The following ANKS1B variants were observed in gnomAD, a reference collection of about 807,000 sequenced individuals.
ANKS1B encodes the protein ankyrin repeat and sterile alpha motif domain-containing protein 1B.
In ANKS1B, 36 loss-of-function variants were observed where a neutral mutation model predicts 148.3. The observed-to-expected ratio is 0.24, with a 90% CI of 0.19 to 0.32. The LOEUF (loss-of-function observed/expected upper bound fraction) is 0.32. ANKS1B is among the 10% of genes least tolerant of loss of function. ANKS1B has a pLI of 1.00. For synonymous variants in ANKS1B, 542 were observed against 560.8 expected (o/e 0.97, Z 0.47); for missense variants, 1,157 against 1,542.6 (o/e 0.75, Z 4.19).
chr12:99,789,490 T>C (rs1486102857), intron 4 of ANKS1B, among the ~76,000 whole-genome samples: 1 of 151,674 alleles, frequency 6.6e-6, no homozygotes, highest in Non-Finnish European at 1.5e-5. Flanking sequence ...GGAAAAAAAA[T>C]AGATATATGA....
chr12:99,782,166 T>G, intron 4 of ANKS1B, 69 bp from the exon 5 acceptor site: 2 of 1,262,678 alleles, frequency 1.6e-6, no homozygotes, highest in Non-Finnish European at 2.2e-6. Flanking sequence ...TGAAATAAAA[T>G]GCTCACATTT....
intron 20 of ANKS1B, among the ~76,000 whole-genome samples, chr12:98,807,223 C>T (rs1194886069): frequency 6.6e-6 from 1 of 152,120 alleles, no homozygotes; most frequent in African/African-American, 2.4e-5. Context: ...GAAAATCATG[C>T]AGCTCAGAGT....
chr12:98,796,196 A>G (rs2098947728), intron 22 of ANKS1B, among the ~76,000 whole-genome samples: 1 of 152,196 alleles, frequency 6.6e-6, no homozygotes, highest in African/African-American at 2.4e-5. Context: ...TTAAGGAAAC[A>G]TTGATCAGAA....
chr12:99,065,365 G>A (rs2043778774), intron 16 of ANKS1B, among the ~76,000 whole-genome samples: 1 of 152,108 alleles, frequency 6.6e-6, no homozygotes, highest in Non-Finnish European at 1.5e-5. Flanking sequence ...TAAAAACCAT[G>A]TCCTTTCTCA....
chr12:99,431,061 T>C (rs537684424), intron 11 of ANKS1B, among the ~76,000 whole-genome samples: 19 of 152,342 alleles, frequency 1.2e-4, no homozygotes, highest in African/African-American at 3.8e-4. Context: ...TACTCACTTA[T>C]TGAATTGAGT....
rs35882325 is a variant in ANKS1B, at chr12:99,948,378, T to TAA, written c.134+35724_134+35725dup. On this transcript the variant is annotated intron_variant, in intron 1 of 26. Coordinates refer to ENST00000683438, the MANE Select transcript of ANKS1B (RefSeq NM_001352186.2). ...TTTATTGGAGATTTGAAGAAAGAATTAAAAAAAAAAAGAAAAAAAAAGGCA... is the reference window on the plus strand; with the variant it reads ...TTTATTGGAGATTTGAAGAAAGAATTAAAAAAAAAAAAAGAAAAAAAAAGGCA... Among the ~76,000 whole-genome samples, 35 of 142,842 alleles carry TAA rather than the reference T, an allele frequency of 2.5e-4. No individual in the cohort carries two copies. In the East Asian group the frequency reaches 3.2e-3, roughly 13 times the overall value. The allele number at this position is 142,842 out of a possible 152,430, so 93.7% of individuals were successfully genotyped here.
At chr12:99,683,570 T>C (rs1354169137) in intron 8 of ANKS1B, among the ~76,000 whole-genome samples, 1 of 152,132 alleles carries the variant, frequency 6.6e-6, no homozygotes, top group African/African-American at 2.4e-5. Context: ...CTGGTACCAA[T>C]CCTATTAACA....
chr12:98,808,442 G>A (rs963097977), intron 19 of ANKS1B, among the ~76,000 whole-genome samples: 8 of 152,154 alleles, frequency 5.3e-5, no homozygotes, highest in Non-Finnish European at 8.8e-5. Flanking sequence ...GGCAAAACTC[G>A]GTAGTTAACA....
intron 12 of ANKS1B, among the ~76,000 whole-genome samples, chr12:99,253,788 C>T (rs2074939376): frequency 6.6e-6 from 1 of 152,106 alleles, no homozygotes; most frequent in African/African-American, 2.4e-5. Context: ...GAGGCCCTAT[C>T]TTAATCAAAT....
intron 9 of ANKS1B, among the ~76,000 whole-genome samples, chr12:99,515,427 T>C (rs925756564): frequency 6.6e-6 from 1 of 152,132 alleles, no homozygotes; most frequent in Non-Finnish European, 1.5e-5. Flanking sequence ...GAACATGTGA[T>C]ATTTGTCTTT....
chr12:99,263,215 T>A (rs576039793), intron 12 of ANKS1B, among the ~76,000 whole-genome samples: 1 of 152,082 alleles, frequency 6.6e-6, no homozygotes, highest in Non-Finnish European at 1.5e-5. Context: ...TACTGTTAAA[T>A]CATTTGCAGT....
intron 24 of ANKS1B, among the ~76,000 whole-genome samples, chr12:98,777,484 C>T (rs535085709): frequency 1.3e-5 from 2 of 152,238 alleles, no homozygotes; most frequent in South Asian, 4.2e-4. Context: ...TGTCTCCTCT[C>T]GGAAGACCTC....
chr12:98,956,841 C>G (rs553575939), intron 17 of ANKS1B, among the ~76,000 whole-genome samples: 9 of 152,192 alleles, frequency 5.9e-5, no homozygotes, highest in African/African-American at 1.9e-4. Flanking sequence ...CATGCCTTTG[C>G]TCTCTGAACC....
intron 16 of ANKS1B, among the ~76,000 whole-genome samples, chr12:99,078,769 T>A (rs1189063120): frequency 8.3e-6 from 1 of 120,634 alleles, no homozygotes; most frequent in Non-Finnish European, 1.7e-5. Flanking sequence ...TACCCCATGG[T>A]CCCCACCGTC....
chr12:99,774,239 A>G (rs182715572), intron 7 of ANKS1B, among the ~76,000 whole-genome samples: 1 of 152,264 alleles, frequency 6.6e-6, no homozygotes, highest in African/African-American at 2.4e-5. Flanking sequence ...TAGATCTGGT[A>G]AGGGGTTAAT....
chr12:98,838,509 A>C (rs1298360454), intron 17 of ANKS1B, among the ~76,000 whole-genome samples: 1 of 152,208 alleles, frequency 6.6e-6, no homozygotes, highest in Non-Finnish European at 1.5e-5. Flanking sequence ...GTGAAACAGC[A>C]CATGTAGCTG....
intron 15 of ANKS1B, among the ~76,000 whole-genome samples, chr12:99,142,562 C>A (rs1174237644): frequency 6.6e-6 from 1 of 152,050 alleles, no homozygotes; most frequent in Non-Finnish European, 1.5e-5. Context: ...AATATCACAG[C>A]ATTATGCAAG....
chr12:99,532,438 G>A (rs1824801744), intron 9 of ANKS1B, among the ~76,000 whole-genome samples: 1 of 152,148 alleles, frequency 6.6e-6, no homozygotes, highest in Admixed American at 6.5e-5. Context: ...TCGGCTCCCT[G>A]CAAGCTCCGC....
intron 9 of ANKS1B, among the ~76,000 whole-genome samples, chr12:99,581,783 C>T (rs1415937549): frequency 1.3e-5 from 2 of 150,020 alleles, no homozygotes; most frequent in Non-Finnish European, 1.5e-5. Context: ...CCCAGCTACT[C>T]GGGAGGCTGA....
Sources: allele counts gnomAD v4.1 joint callset (sites outside exome capture counted in the v4.1 genomes callset), GRCh38; gene constraint gnomAD v4.1.1; transcripts MANE v1.5; gene names NCBI Gene and HGNC (gene_info 2026-07-23, HGNC 2026-07-21).